The following FRY variants were observed in gnomAD, a reference collection of about 807,000 sequenced individuals.
FRY encodes protein furry homolog.
In FRY, 128 loss-of-function variants were observed where a neutral mutation model predicts 348.4. The observed-to-expected ratio is 0.37, with a 90% CI of 0.32 to 0.43. The LOEUF (loss-of-function observed/expected upper bound fraction) is 0.43, where lower values mean the gene tolerates loss of function less well. FRY is among the 20% of genes least tolerant of loss of function. The pLI, the probability that FRY is intolerant of heterozygous loss-of-function variation, is 1.00. For missense variants in FRY, 2,736 were observed against 3,695.2 expected, an observed-to-expected ratio of 0.74 and a Z score of 6.73; for synonymous variants, 1,370 against 1,374.7, an observed-to-expected ratio of 1.00 and a Z score of 0.08.
intron 35 of FRY, among the ~76,000 whole-genome samples, chr13:32,214,880 A>G (rs1331084692): frequency 6.6e-6 from 1 of 152,006 alleles, no homozygotes; most frequent in Non-Finnish European, 1.5e-5. Context: ...CACCATATCC[A>G]TGGGCTGAGG....
chr13:32,240,324 G>T (rs893398980), intron 46 of FRY, among the ~76,000 whole-genome samples: 5 of 152,108 alleles, frequency 3.3e-5, no homozygotes, highest in African/African-American at 1.2e-4. Context: ...GTTTATTATG[G>T]TAACACCTGT....
intron 10 of FRY, among the ~76,000 whole-genome samples, chr13:32,136,067 G>A (rs1238607516): frequency 1.3e-5 from 2 of 151,988 alleles, no homozygotes; most frequent in Non-Finnish European, 2.9e-5. Flanking sequence ...GAACTGTTAA[G>A]CATTGTGGGC....
chr13:32,212,352 A>T lies in FRY; in HGVS notation c.4652A>T (p.Glu1551Val). The change falls in exon 35 of 61, where the codon GAG (glutamate) becomes GTG (valine). Residue 1551 changes from glutamate to valine, a missense_variant. Around this residue, in one of 9 missense-constraint regions of FRY, gnomAD observed 794 missense variants for 977.0 expected, o/e 0.81. Coordinates refer to ENST00000542859, the MANE Select transcript of FRY (RefSeq NM_023037.3). ...AGQENFPDAE[E>V]NKILKESDER... ...CAGGAAAATTTCCCAGATGCTGAGGAGAACAAGATATTGAAAGAATCTGAT... is the reference window on the plus strand; with the variant it reads ...CAGGAAAATTTCCCAGATGCTGAGGTGAACAAGATATTGAAAGAATCTGAT... The T allele has an allele frequency of 6.2e-7, 1 of 1,607,712 alleles. No individual in the cohort carries two copies. The highest frequency in any genetic ancestry group is 8.5e-7 in the Non-Finnish European group (1 of 1,175,118).
At chr13:32,111,848 A>G (rs770284215) in intron 3 of FRY, among the ~76,000 whole-genome samples, 1 of 152,224 alleles carries the variant, frequency 6.6e-6, no homozygotes, top group Non-Finnish European at 1.5e-5. Flanking sequence ...ATGAGTTACT[A>G]TCCTCAGTGT....
chr13:32,170,306 T>C (rs1881982279), intron 17 of FRY, among the ~76,000 whole-genome samples: 1 of 152,180 alleles, frequency 6.6e-6, no homozygotes, highest in South Asian at 2.1e-4. Flanking sequence ...TGCAGTGTGG[T>C]ATCTTGGATT....
At chr13:32,285,297 G>C (rs1047338319) in intron 58 of FRY, among the ~76,000 whole-genome samples, 1 of 152,144 alleles carries the variant, frequency 6.6e-6, no homozygotes, top group African/African-American at 2.4e-5. Context: ...CCCCAGAAAG[G>C]CTTTTTTCAC....
intron 1 of FRY, among the ~76,000 whole-genome samples, chr13:32,062,101 G>GA (rs567155908): frequency 0.012 from 1,754 of 150,424 alleles, 42 homozygotes; most frequent in African/African-American, 0.04. Context: ...CTGTTTCTAG[G>GA]AAAAAAAAAT....
intron 18 of FRY, among the ~76,000 whole-genome samples, chr13:32,172,791 G>A (rs900958321): frequency 6.6e-6 from 1 of 152,082 alleles, no homozygotes; most frequent in East Asian, 1.9e-4. Context: ...AGAAAAGCAA[G>A]GGTTATATAT....
At chr13:32,161,917 ATC>A (rs918942957) in intron 17 of FRY, among the ~76,000 whole-genome samples, 40 of 152,350 alleles carry the variant, frequency 2.6e-4, no homozygotes, top group African/African-American at 9.1e-4. Flanking sequence ...TCTCATGTTG[ATC>A]TGGAGCTCCA....
chr13:32,071,655 C>T (rs1447884424), intron 1 of FRY, among the ~76,000 whole-genome samples: 2 of 151,956 alleles, frequency 1.3e-5, no homozygotes, highest in Admixed American at 6.6e-5. Context: ...CATGATTCCA[C>T]GTATATGCAG....
At position 32,128,351 on chromosome 13, in the gene FRY, A is replaced by G. The variant is rs548463728; in HGVS notation, c.717-3321A>G. On this transcript the variant is annotated intron_variant, in intron 7 of 60. Transcript: ENST00000542859. ...AAATAGTCAGTGTGAAATATAAGAAAGTGATGGAACCTGGTGCATCTGAAC... is the reference window on the plus strand; with the variant it reads ...AAATAGTCAGTGTGAAATATAAGAAGGTGATGGAACCTGGTGCATCTGAAC... Among the ~76,000 whole-genome samples the G allele has an allele frequency of 3.1e-4, 47 of 152,334 alleles. No homozygotes were observed. The South Asian group carries it at 9.1e-3, about 30-fold the overall frequency.
chr13:32,153,103 A>G lies in FRY; in HGVS notation c.1480-2388A>G, dbSNP rs190940997. ...TAGAACCTCATACTATTCTAGTGAG[A>G]TTACAAAAAGGTACAACCACTTTAG... On this transcript the variant is annotated intron_variant, in intron 14 of 60. Transcript: ENST00000542859. Among the ~76,000 whole-genome samples, 236 of 152,304 alleles carry G rather than the reference A, an allele frequency of 1.5e-3. 1 individual carries two copies. The highest frequency in any genetic ancestry group is 5.6e-3 in the South Asian group (27 of 4,826).
chr13:32,154,325 G>A (rs1880976169), intron 14 of FRY, among the ~76,000 whole-genome samples: 1 of 152,096 alleles, frequency 6.6e-6, no homozygotes, highest in African/African-American at 2.4e-5. Context: ...AAATCATAAA[G>A]TACACATTGA....
intron 2 of FRY, among the ~76,000 whole-genome samples, chr13:32,087,445 G>T (rs1202038586): frequency 2.0e-5 from 3 of 152,182 alleles, no homozygotes; most frequent in Admixed American, 2.0e-4. Context: ...TAAGTAGGAC[G>T]CTGTGCTGTA....
chr13:32,236,543 T>C (rs1886237123), intron 43 of FRY, among the ~76,000 whole-genome samples: 2 of 152,206 alleles, frequency 1.3e-5, no homozygotes, highest in Non-Finnish European at 2.9e-5. Flanking sequence ...ATATTATTTT[T>C]AAATGAATAT....
chr13:32,159,499 A>G (rs1481416905), intron 16 of FRY, among the ~76,000 whole-genome samples: 1 of 152,242 alleles, frequency 6.6e-6, no homozygotes, highest in Non-Finnish European at 1.5e-5. Flanking sequence ...TAACAAGTAA[A>G]GAATAATAAA....
At chr13:32,075,209 CTT>C (rs934699778) in intron 1 of FRY, among the ~76,000 whole-genome samples, 3 of 152,036 alleles carry the variant, frequency 2.0e-5, no homozygotes, top group Non-Finnish European at 4.4e-5. Flanking sequence ...TTAGTTTTAT[CTT>C]TTTGAAATGG....
chr13:32,071,295 C>T (rs1874641814), intron 1 of FRY, among the ~76,000 whole-genome samples: 1 of 152,080 alleles, frequency 6.6e-6, no homozygotes, highest in African/African-American at 2.4e-5. Flanking sequence ...CTATAAATTA[C>T]CTTGTGCAGT....
At chr13:32,252,543 G>A (rs985673786) in intron 50 of FRY, among the ~76,000 whole-genome samples, 38 of 152,084 alleles carry the variant, frequency 2.5e-4, no homozygotes, top group African/African-American at 8.9e-4. Flanking sequence ...ATTAGGTATG[G>A]GAGTATAACA....
Sources: gnomAD v4.1 joint callset for allele counts (sites outside exome capture counted in the v4.1 genomes callset) on GRCh38, gnomAD v4.1.1 for gene constraint, gnomAD v4.1.1 regional missense constraint, MANE v1.5 for transcripts, NCBI Gene and HGNC (gene_info 2026-07-23, HGNC 2026-07-21) for gene names.